The following SMPD3 variants were observed in gnomAD, a reference collection of about 807,000 sequenced individuals.
SMPD3 encodes nSMase-2.
A neutral mutation model predicts 55.7 loss-of-function variants in SMPD3; 21 were observed. That is an observed-to-expected ratio of 0.38 (90% CI 0.27 to 0.54). SMPD3 has a LOEUF of 0.54. SMPD3 is among the 20% of genes least tolerant of loss of function. The pLI is 0.80. For missense variants in SMPD3, 842 were observed against 899.6 expected, an observed-to-expected ratio of 0.94 and a Z score of 0.82; for synonymous variants, 457 against 404.3, an observed-to-expected ratio of 1.13 and a Z score of -1.56.
chr16:68,361,506 G>A (rs1357800788), intron 8 of SMPD3, 97 bp downstream of exon 8: 4 of 1,523,232 alleles, frequency 2.6e-6, no homozygotes, highest in Admixed American at 3.6e-5. Flanking sequence ...AGAGTGGCCT[G>A]GGGCGTGGGG....
At chr16:68,414,840 C>A (rs2090327474) in intron 1 of SMPD3, among the ~76,000 whole-genome samples, 2 of 152,180 alleles carry the variant, frequency 1.3e-5, no homozygotes, top group Admixed American at 6.5e-5. Flanking sequence ...CTTGGTCACC[C>A]AGGGACATGG....
At chr16:68,365,754 C>G (rs1483057825) in intron 3 of SMPD3, among the ~76,000 whole-genome samples, 2 of 152,214 alleles carry the variant, frequency 1.3e-5, no homozygotes, top group Non-Finnish European at 2.9e-5. Context: ...GCATCCTCTT[C>G]AGGTCTCCCC....
rs571671724 is a variant in SMPD3, at chr16:68,375,360, C to T, written c.-206-2973G>A. ...AAGGGCTGTGCAGGCTGAGCCCTGG[C>T]GTGAGGACACTTTGGCAGAAGGATT... On this transcript the variant is annotated intron_variant, in intron 2 of 8. Coordinates refer to ENST00000219334, the MANE Select transcript of SMPD3 (RefSeq NM_018667.4). Among the ~76,000 whole-genome samples the T allele has an allele frequency of 8.7e-4, 127 of 146,514 alleles. 1 individual carries two copies. The South Asian group carries it at 0.016, about 18-fold the overall frequency.
intron 1 of SMPD3, among the ~76,000 whole-genome samples, chr16:68,397,129 A>C (rs1002341051): frequency 6.6e-6 from 1 of 152,144 alleles, no homozygotes; most frequent in African/African-American, 2.4e-5. Context: ...TGTGAGCAAG[A>C]CTTATCTGCA....
intron 8 of SMPD3, 121 bp from the exon 9 acceptor site, chr16:68,361,428 A>C: frequency 7.3e-7 from 1 of 1,360,888 alleles, no homozygotes; most frequent in Non-Finnish European, 1.0e-6. Flanking sequence ...ACCTTCCTGC[A>C]GTCAGAGGGA....
At chr16:68,365,151 G>A (rs2089439415) in intron 3 of SMPD3, 59 bp from the exon 4 acceptor site, 2 of 1,575,792 alleles carry the variant, frequency 1.3e-6, no homozygotes, top group Non-Finnish European at 1.7e-6. Flanking sequence ...TGAGAGCACA[G>A]GACACTGGCA....
chr16:68,388,032 T>A (rs1051864119), intron 1 of SMPD3, among the ~76,000 whole-genome samples: 3 of 152,162 alleles, frequency 2.0e-5, no homozygotes, highest in African/African-American at 7.2e-5. Context: ...CTTCTGAGCC[T>A]CAGAGGCTCC....
chr16:68,425,854 G>T (rs115969741), intron 1 of SMPD3, among the ~76,000 whole-genome samples: 11 of 152,266 alleles, frequency 7.2e-5, no homozygotes, highest in African/African-American at 2.6e-4. Flanking sequence ...CAACACCTGG[G>T]TTTGTCAGCC....
At chr16:68,387,015 G>T (rs1202141290) in intron 1 of SMPD3, among the ~76,000 whole-genome samples, 1 of 152,198 alleles carries the variant, frequency 6.6e-6, no homozygotes, top group Non-Finnish European at 1.5e-5. Context: ...GTGGGGAAGA[G>T]GTGAATTCAA....
intron 1 of SMPD3, among the ~76,000 whole-genome samples, chr16:68,440,072 G>C (rs2090554186): frequency 6.6e-6 from 1 of 152,222 alleles, no homozygotes; most frequent in African/African-American, 2.4e-5. Flanking sequence ...CTACGTTTTG[G>C]TGTAGACACA....
chr16:68,447,244 G>C lies in SMPD3; in HGVS notation c.-269+1109C>G, dbSNP rs1411810904. Among the ~76,000 whole-genome samples, 1 of 152,206 alleles carries C rather than the reference G, an allele frequency of 6.6e-6. No individual in the cohort carries two copies. Among genetic ancestry groups the C allele is most frequent in the African/African-American group, 2.4e-5 (1 of 41,450 alleles). On this transcript the variant is annotated intron_variant, in intron 1 of 8. Coordinates refer to ENST00000219334, the MANE Select transcript of SMPD3 (RefSeq NM_018667.4). The surrounding 1 kb of genome is among the most constrained non-coding windows in gnomAD (Gnocchi z 5.1). ...GAAGCAGGTCCCCGAGCCTCGGTTTGGGGTGCGCCCTGCATCGGAGCGGAG... is the reference window on the plus strand; with the variant it reads ...GAAGCAGGTCCCCGAGCCTCGGTTTCGGGTGCGCCCTGCATCGGAGCGGAG...
In SMPD3 at chr16:68,365,057, G is replaced by A. The variant is rs200626207; in HGVS notation, c.1359C>T (p.Ile453=). ...QVGSTPQDQR[I]VGYIACTHLH... is the part of the protein sequence containing the mutation. ...GGTGTGTGCAGGCGATGTACCCGAC[G>A]ATTCTTTGGTCCTGAGGTGTGCTTC... Residue 453 remains isoleucine, a synonymous_variant, in exon 4 of 9, where the codon ATC becomes ATT. Coordinates refer to ENST00000219334, the MANE Select transcript of SMPD3 (RefSeq NM_018667.4). 8 of 1,613,988 alleles carry A rather than the reference G, an allele frequency of 5.0e-6. No homozygotes were observed. The highest frequency in any genetic ancestry group is 2.2e-5 in the South Asian group (2 of 91,082).
intron 2 of SMPD3, among the ~76,000 whole-genome samples, chr16:68,382,820 G>GT (rs891097082): frequency 1.3e-5 from 2 of 152,204 alleles, no homozygotes; most frequent in South Asian, 4.2e-4. Flanking sequence ...CCCCCAGTTA[G>GT]TTTTTTTGTT....
In SMPD3 at chr16:68,404,965, C is replaced by T. The variant is rs768651443; in HGVS notation, c.-268-18306G>A. Among the ~76,000 whole-genome samples the T allele has an allele frequency of 3.3e-5, 5 of 152,230 alleles. No individual in the cohort carries two copies. The highest frequency in any genetic ancestry group is 5.9e-5 in the Non-Finnish European group (4 of 68,040). ...TGGGCCAAGCGGATGTAGGACCTGG[C>T]TCTTATCCGGGCATTTGGTAACTCG... On this transcript the variant is annotated intron_variant, in intron 1 of 8. Transcript: ENST00000219334. The surrounding 1 kb of genome is among the most constrained non-coding windows in gnomAD (Gnocchi z 4.0).
rs916339337 is a variant in SMPD3 at position 68,404,915 on chromosome 16, A to G, written c.-268-18256T>C. Among the ~76,000 whole-genome samples the G allele has an allele frequency of 6.6e-6, 1 of 152,240 alleles. No individual in the cohort carries two copies. The highest frequency in any genetic ancestry group is 1.5e-5 in the Non-Finnish European group (1 of 68,050). ...ACTTTCTCTCTGTAACCCCAGGCAC[A>G]TGTGTGCAGACTTGCCAGGCCCTGT... On this transcript the variant is annotated intron_variant, in intron 1 of 8. Transcript: ENST00000219334. This position sits in a 1 kb window ranked among gnomAD's most constrained non-coding sequence, Gnocchi z 4.0.
At chr16:68,387,483 G>T (rs376671670) in intron 1 of SMPD3, among the ~76,000 whole-genome samples, 2 of 152,042 alleles carry the variant, frequency 1.3e-5, no homozygotes, top group Non-Finnish European at 2.9e-5. Flanking sequence ...CACTAGTCCC[G>T]CCCCTGGCCT....
chr16:68,408,247 G>A (rs2090268870), intron 1 of SMPD3, among the ~76,000 whole-genome samples: 2 of 152,092 alleles, frequency 1.3e-5, no homozygotes, highest in African/African-American at 2.4e-5. Context: ...AATCTGCAAA[G>A]GGAAAATTAT....
chr16:68,363,818 G>A lies in SMPD3; in HGVS notation c.1604C>T (p.Pro535Leu). Reference protein sequence around the residue: ...QHSLFTHYRDPCRLGPGEEKP... With the variant: ...QHSLFTHYRDLCRLGPGEEKP... The stretch of plus-strand genomic sequence containing the variant: ...CTCCTCACCAGGCCCCAGGCGGCAG[G>A]GGTCCCTGTAGTGGGTGAACAGGGA... Residue 535 changes from proline (P) to leucine (L), a missense_variant, in exon 6 of 9, where the codon CCC becomes CTC. By Grantham distance (98) the Pro-to-Leu change is moderately conservative (BLOSUM62 -3). This residue lies in a region of SMPD3 where 649 missense variants were observed against 643.6 expected (regional missense o/e 1.01). Coordinates refer to ENST00000219334, the MANE Select transcript of SMPD3 (RefSeq NM_018667.4). 1 of 1,572,198 alleles carries A rather than the reference G, an allele frequency of 6.4e-7. No homozygotes were observed.
chr16:68,364,452 C>T (rs1056570820), intron 5 of SMPD3: 3 of 347,336 alleles, frequency 8.6e-6, no homozygotes, highest in African/African-American at 2.1e-5. Context: ...AAGAGCGCGG[C>T]GCCCCGTTGA....
Sources: allele counts gnomAD v4.1 joint callset (sites outside exome capture counted in the v4.1 genomes callset), GRCh38; gene constraint gnomAD v4.1.1; regional missense constraint gnomAD v4.1.1; non-coding constraint Gnocchi (gnomAD v3.1); transcripts MANE v1.5; gene names NCBI Gene and HGNC (gene_info 2026-07-23, HGNC 2026-07-21).